The following RAB7A variants were observed in gnomAD, a reference collection of about 807,000 sequenced individuals.
The protein encoded by RAB7A is ras-related protein Rab-7a.
RAB7A carries 2 observed loss-of-function variants against 24.5 expected under a neutral mutation model. The ratio of observed to expected loss-of-function variants is 0.08; its 90% confidence interval spans 0.03 to 0.26. The LOEUF is 0.26. Ranked by LOEUF, RAB7A falls within the 10% of genes least tolerant of loss-of-function variation. The pLI, the probability that RAB7A is intolerant of heterozygous loss-of-function variation, is 1.00. For missense variants in RAB7A, 118 were observed against 255.7 expected (o/e 0.46, Z 3.67); for synonymous variants, 100 against 95.9 (o/e 1.04, Z -0.25).
intron 1 of RAB7A, among the ~76,000 whole-genome samples, chr3:128,757,997 C>T (rs757502287): frequency 3.0e-4 from 45 of 151,114 alleles, no homozygotes; most frequent in Non-Finnish European, 4.9e-4. Context: ...GGGTCTTGCT[C>T]TGTCACCCAG....
chr3:128,811,212 C>CA (rs1933920030), intron 5 of RAB7A, among the ~76,000 whole-genome samples: 1 of 151,998 alleles, frequency 6.6e-6, no homozygotes, highest in Non-Finnish European at 1.5e-5. Flanking sequence ...CTATAACCTC[C>CA]AACTTCTGGG....
At chr3:128,773,053 C>T (rs1248721069) in intron 1 of RAB7A, among the ~76,000 whole-genome samples, 3 of 152,072 alleles carry the variant, frequency 2.0e-5, no homozygotes, top group South Asian at 2.1e-4. Flanking sequence ...GGCTGCCCAT[C>T]GTCTGGGATG....
intron 1 of RAB7A, among the ~76,000 whole-genome samples, chr3:128,758,621 C>T (rs1287574065): frequency 1.3e-5 from 2 of 152,058 alleles, no homozygotes; most frequent in East Asian, 3.9e-4. Context: ...TGACATTCAT[C>T]AAGAATGAAT....
intron 1 of RAB7A, among the ~76,000 whole-genome samples, chr3:128,767,178 T>G (rs1478432838): frequency 6.6e-6 from 1 of 152,170 alleles, no homozygotes; most frequent in Non-Finnish European, 1.5e-5. Context: ...GTCCCTTCAG[T>G]CAGGTGTTTG....
intron 1 of RAB7A, among the ~76,000 whole-genome samples, chr3:128,757,093 C>T (rs2070735655): frequency 6.6e-6 from 1 of 152,130 alleles, no homozygotes; most frequent in Non-Finnish European, 1.5e-5. Context: ...GATCCACTCA[C>T]CTCCACCTCC....
At chr3:128,765,006 C>T (rs1036697145) in intron 1 of RAB7A, 20 of 1,584,358 alleles carry the variant, frequency 1.3e-5, no homozygotes, top group South Asian at 1.1e-4. Context: ...GCGAGGTGGA[C>T]GCAGTTGTCA....
intron 1 of RAB7A, among the ~76,000 whole-genome samples, chr3:128,774,293 A>C (rs1287446286): frequency 2.0e-5 from 3 of 151,312 alleles, no homozygotes; most frequent in Non-Finnish European, 4.4e-5. Flanking sequence ...CTCCCTTTCT[A>C]ATGTCAGCAA....
intron 2 of RAB7A, among the ~76,000 whole-genome samples, 156 bp from the exon 3 acceptor site, chr3:128,797,787 G>A (rs1396691996): frequency 1.3e-5 from 2 of 152,188 alleles, no homozygotes; most frequent in Non-Finnish European, 2.9e-5. Context: ...AACTTCAAAA[G>A]TGTAATGCTC....
intron 1 of RAB7A, among the ~76,000 whole-genome samples, chr3:128,750,543 T>C (rs1480583801): frequency 6.6e-6 from 1 of 152,174 alleles, no homozygotes; most frequent in Non-Finnish European, 1.5e-5. Context: ...GTTACAGGTG[T>C]GAGCCACCGA....
intron 1 of RAB7A, among the ~76,000 whole-genome samples, chr3:128,763,188 T>TTATATATATATATATA (rs765866649): frequency 1.8e-4 from 15 of 82,114 alleles, no homozygotes; most frequent in African/African-American, 6.8e-4. Context: ...TACATTTAGC[T>TTATATATATATATATA]TATATATATA....
At chr3:128,779,594 TG>T (rs565766953) in intron 1 of RAB7A, among the ~76,000 whole-genome samples, 2 of 43,598 alleles carry the variant, frequency 4.6e-5, no homozygotes, top group Non-Finnish European at 8.8e-5. Flanking sequence ...TGGGGTGGGG[TG>T]GGGGGGTGGT....
In RAB7A at chr3:128,795,218, T is replaced by G. The variant is rs73198858; in HGVS notation, c.-8-142T>G. On this transcript the variant is annotated intron_variant, in intron 1 of 5. Coordinates refer to ENST00000265062, the MANE Select transcript of RAB7A (RefSeq NM_004637.6). ...GGTGAGTGATACTGTTTTTTATCAG[T>G]GCCCCCTGGTGGAAGGAAGATACCT... is the stretch of plus-strand genomic sequence containing the variant. The G allele has an allele frequency of 0.051, 38,269 of 745,182 alleles. 1,236 individuals carry two copies. Among genetic ancestry groups the G allele is most frequent in the Non-Finnish European group, 0.06 (24,442 of 408,818 alleles). The allele number at this position is 745,182 out of a possible 1,614,324, so 46.2% of individuals were successfully genotyped here.
rs187753199 is a variant in RAB7A, at chr3:128,762,081, A to C, written c.-8-33279A>C. Among the ~76,000 whole-genome samples the C allele has an allele frequency of 3.2e-4, 49 of 152,354 alleles. No homozygotes were observed. In the East Asian group the frequency reaches 7.9e-3, roughly 25 times the overall value. On this transcript the variant is annotated intron_variant, in intron 1 of 5. Coordinates refer to ENST00000265062, the MANE Select transcript of RAB7A (RefSeq NM_004637.6). ...TTAATGCCACTGAAATATACACTTA[A>C]AAATGGTGAAAATGGTAATTGTTTT...
chr3:128,796,203 G>A (rs1338675501), intron 2 of RAB7A, among the ~76,000 whole-genome samples: 5 of 152,172 alleles, frequency 3.3e-5, no homozygotes, highest in Non-Finnish European at 7.3e-5. Flanking sequence ...TTAAGATTCT[G>A]TGGTAGGTTG....
intron 1 of RAB7A, among the ~76,000 whole-genome samples, chr3:128,770,411 G>T (rs1326682450): frequency 6.6e-6 from 1 of 152,150 alleles, no homozygotes; most frequent in African/African-American, 2.4e-5. Context: ...CCAAATCAGT[G>T]GCCTCCTGTC....
chr3:128,795,751 C>CTTTTT (rs71153147), intron 2 of RAB7A, among the ~76,000 whole-genome samples: 708 of 42,992 alleles, frequency 0.016, 162 homozygotes, highest in African/African-American at 0.037. Context: ...AGCAGATGTG[C>CTTTTT]TTTTTTTTTT....
intron 1 of RAB7A, among the ~76,000 whole-genome samples, chr3:128,740,207 G>T (rs911065183): frequency 7.2e-5 from 11 of 151,804 alleles, no homozygotes; most frequent in African/African-American, 2.4e-4. Context: ...GTGAAATCCC[G>T]TCTCTACTAA....
intron 1 of RAB7A, among the ~76,000 whole-genome samples, chr3:128,748,265 G>A (rs2070639714): frequency 6.6e-6 from 1 of 152,174 alleles, no homozygotes; most frequent in African/African-American, 2.4e-5. Flanking sequence ...GAGTGGAGGG[G>A]GTTATGTTAA....
At chr3:128,797,238 C>G (rs945487022) in intron 2 of RAB7A, among the ~76,000 whole-genome samples, 1 of 152,294 alleles carries the variant, frequency 6.6e-6, no homozygotes, top group Non-Finnish European at 1.5e-5. Context: ...GGTTCTTTAA[C>G]ACAAATATGA....
Sources: allele counts gnomAD v4.1 joint callset (sites outside exome capture counted in the v4.1 genomes callset), GRCh38; gene constraint gnomAD v4.1.1; transcripts MANE v1.5; gene names NCBI Gene and HGNC (gene_info 2026-07-23, HGNC 2026-07-21).